The following CSMD1 variants were observed in gnomAD, a reference collection of about 807,000 sequenced individuals.
CSMD1 encodes the protein CUB and sushi domain-containing protein 1.
In CSMD1, 213 loss-of-function variants were observed where a neutral mutation model predicts 417.5. That is an observed-to-expected ratio of 0.51 (90% CI 0.46 to 0.57). The LOEUF (loss-of-function observed/expected upper bound fraction) is 0.57. Among genes scored for constraint, CSMD1 ranks in the 20% least tolerant of loss-of-function variants. CSMD1 has a pLI of 0.00. For synonymous variants in CSMD1, 2,862 were observed against 1,736.8 expected (o/e 1.65, Z -16.11); for missense variants, 6,923 against 4,529.7 (o/e 1.53, Z -15.17).
At chr8:4,888,221 G>A (rs937500107) in intron 1 of CSMD1, among the ~76,000 whole-genome samples, 1 of 151,890 alleles carries the variant, frequency 6.6e-6, no homozygotes, top group Non-Finnish European at 1.5e-5. Context: ...AGAAAAAATA[G>A]AAAGAAAATA....
At chr8:3,615,099 G>A (rs922929548) in intron 8 of CSMD1, among the ~76,000 whole-genome samples, 2 of 152,082 alleles carry the variant, frequency 1.3e-5, no homozygotes, top group African/African-American at 2.4e-5. Context: ...ATATGATACT[G>A]GAAACCAGCA....
At chr8:3,919,320 T>A (rs1010716991) in intron 5 of CSMD1, among the ~76,000 whole-genome samples, 1 of 152,002 alleles carries the variant, frequency 6.6e-6, no homozygotes, top group African/African-American at 2.4e-5. Context: ...TTTTGTGTGG[T>A]CTAACACGTG....
At position 4,535,467 on chromosome 8, in the gene CSMD1, G is replaced by T. The variant is rs757226589; in HGVS notation, c.302+101875C>A. ...GCTTTGCAATCATTATAAACTTAAA[G>T]ATTTTGATGAAGTATATGTGTTTCA... On this transcript the variant is annotated intron_variant, in intron 2 of 69. Transcript: ENST00000635120. 2.6e-5 allele frequency among the ~76,000 whole-genome samples: 4 copies of T among 152,026 alleles called. No individual in the cohort carries two copies. The South Asian group carries it at 8.3e-4, about 32-fold the overall frequency.
At chr8:3,104,409 T>C (rs181359171) in intron 46 of CSMD1, among the ~76,000 whole-genome samples, 1 of 152,302 alleles carries the variant, frequency 6.6e-6, no homozygotes, top group East Asian at 1.9e-4. Context: ...CAGATTTTGA[T>C]GACTTCCACA....
intron 46 of CSMD1, among the ~76,000 whole-genome samples, chr8:3,101,065 T>C (rs1815700405): frequency 6.6e-6 from 1 of 151,862 alleles, no homozygotes; most frequent in Non-Finnish European, 1.5e-5. Context: ...GTTTTTTTTT[T>C]TTTTTTCTAA....
chr8:4,359,027 CTATATATG>C (rs1231823070), intron 3 of CSMD1, among the ~76,000 whole-genome samples: 4 of 151,892 alleles, frequency 2.6e-5, no homozygotes, highest in Non-Finnish European at 4.4e-5. Context: ...ACATATATGC[CTATATATG>C]TGGCAAAATC....
chr8:3,916,905 T>A (rs1044583418), intron 5 of CSMD1, among the ~76,000 whole-genome samples: 15 of 125,372 alleles, frequency 1.2e-4, no homozygotes, highest in Non-Finnish European at 1.9e-4. Flanking sequence ...GAATGAGACA[T>A]ATTAAAAAAA....
intron 12 of CSMD1, among the ~76,000 whole-genome samples, chr8:3,451,302 A>G (rs1468493772): frequency 6.6e-6 from 1 of 152,214 alleles, no homozygotes; most frequent in East Asian, 1.9e-4. Context: ...TTTGCTGCAC[A>G]GAAGCTCTTT....
chr8:4,926,659 G>A (rs191362051), intron 1 of CSMD1, among the ~76,000 whole-genome samples: 48 of 152,218 alleles, frequency 3.2e-4, no homozygotes, highest in Admixed American at 7.9e-4. Flanking sequence ...AAAAAAATAT[G>A]ACCAGTATTC....
At chr8:4,145,666 G>C (rs927521646) in intron 3 of CSMD1, among the ~76,000 whole-genome samples, 6 of 150,936 alleles carry the variant, frequency 4.0e-5, no homozygotes, top group African/African-American at 1.2e-4. Flanking sequence ...TGGGATTACA[G>C]CCTCACAACA....
In CSMD1 at chr8:3,288,231, C is replaced by T. The variant is rs180688770; in HGVS notation, c.3951-3885G>A. 9.5e-4 allele frequency among the ~76,000 whole-genome samples: 140 copies of T among 147,212 alleles called. 20 individuals carry two copies. The highest frequency in any genetic ancestry group is 3.6e-3 in the African/African-American group (135 of 37,088). On this transcript the variant is annotated intron_variant, in intron 25 of 69. Coordinates refer to ENST00000635120, the MANE Select transcript of CSMD1 (RefSeq NM_033225.6). ...AGTATTTTATTGAGGATTTTTGCAT[C>T]GATGTTCATCAGGGATATTGGTCTA... is the stretch of plus-strand genomic sequence containing the variant.
chr8:3,135,081 G>A (rs375563047), intron 41 of CSMD1, among the ~76,000 whole-genome samples: 4 of 152,110 alleles, frequency 2.6e-5, no homozygotes, highest in African/African-American at 4.8e-5. Flanking sequence ...CCAACACCAC[G>A]CCCAGCTAAT....
rs555943933 is a variant in CSMD1 at position 3,205,638 on chromosome 8, C to T, written c.4868-18G>A. 10 of 1,289,308 alleles carry T rather than the reference C, an allele frequency of 7.8e-6. No individual in the cohort carries two copies. Among genetic ancestry groups the T allele is most frequent in the Admixed American group, 4.2e-5 (2 of 48,076 alleles). The allele number at this position is 1,289,308 out of a possible 1,614,324, so 79.9% of individuals were successfully genotyped here. Reference sequence around the variant, plus strand: ...ACAGGGAGCTGAAAATAAAATCAACCGAGAATTAGTCGCTGTGCAATAATA... The same window carrying T: ...ACAGGGAGCTGAAAATAAAATCAACTGAGAATTAGTCGCTGTGCAATAATA... On this transcript the variant is annotated intron_variant, in intron 30 of 69. Transcript: ENST00000635120.
intron 5 of CSMD1, among the ~76,000 whole-genome samples, chr8:3,925,759 A>G (rs1192870523): frequency 2.0e-5 from 3 of 152,062 alleles, no homozygotes; most frequent in East Asian, 1.9e-4. Context: ...GTGGAACTGT[A>G]AGTCCCATTG....
chr8:2,993,781 G>A (rs951729451), intron 54 of CSMD1, among the ~76,000 whole-genome samples: 18 of 152,036 alleles, frequency 1.2e-4, no homozygotes, highest in African/African-American at 4.3e-4. Flanking sequence ...TCCCGTCTCG[G>A]CCCTTATGAC....
intron 5 of CSMD1, among the ~76,000 whole-genome samples, chr8:3,953,233 T>C (rs1037932274): frequency 2.0e-5 from 3 of 152,250 alleles, no homozygotes; most frequent in South Asian, 2.1e-4. Context: ...AGAAAATATA[T>C]AACTGATATA....
intron 1 of CSMD1, among the ~76,000 whole-genome samples, chr8:4,962,474 G>A (rs914818131): frequency 3.9e-5 from 6 of 152,080 alleles, no homozygotes; most frequent in African/African-American, 1.4e-4. Context: ...GCCATCTAAA[G>A]CTCTGAGATT....
chr8:3,104,761 G>A (rs2129013913), intron 46 of CSMD1, among the ~76,000 whole-genome samples: 1 of 147,856 alleles, frequency 6.8e-6, no homozygotes, highest in East Asian at 2.0e-4. Context: ...AGGCTGGAGA[G>A]CAATGGCAAG....
intron 7 of CSMD1, among the ~76,000 whole-genome samples, chr8:3,705,154 G>C (rs1365476040): frequency 1.3e-5 from 2 of 152,222 alleles, no homozygotes; most frequent in Non-Finnish European, 2.9e-5. Context: ...ACCAGGGACA[G>C]GGCAGTGGCA....
Sources: allele counts gnomAD v4.1 joint callset (sites outside exome capture counted in the v4.1 genomes callset), GRCh38; gene constraint gnomAD v4.1.1; transcripts MANE v1.5; gene names NCBI Gene and HGNC (gene_info 2026-07-23, HGNC 2026-07-21).